MBD5: variants seen among roughly 807,000 people sequenced by gnomAD.
MBD5 encodes methyl-CpG-binding domain protein 5.
Under a neutral mutation model 117.3 loss-of-function variants are expected in MBD5, and 13 were observed. The observed-to-expected ratio is 0.11, with a 90% CI of 0.07 to 0.18. The LOEUF is 0.18. Among genes scored for constraint, MBD5 ranks in the 10% least tolerant of loss-of-function variants. The probability of loss-of-function intolerance (pLI) is 1.00; values close to 1 mark genes in which losing one functional copy is unlikely to be tolerated. For missense variants in MBD5, 1,879 were observed against 2,093.8 expected (o/e 0.90, Z 2.00); for synonymous variants, 727 against 766.4 (o/e 0.95, Z 0.85).
At chr2:148,449,572 T>C (rs1337223892) in intron 4 of MBD5, among the ~76,000 whole-genome samples, 5 of 151,636 alleles carry the variant, frequency 3.3e-5, no homozygotes, top group Admixed American at 1.3e-4. Flanking sequence ...GAGGGTGAGA[T>C]GGGAGACAAT....
intron 4 of MBD5, among the ~76,000 whole-genome samples, chr2:148,364,487 C>A (rs1488603770): frequency 6.6e-6 from 1 of 152,168 alleles, no homozygotes; most frequent in East Asian, 1.9e-4. Flanking sequence ...CAAATTCACA[C>A]ATAACAGTAT....
At chr2:148,125,597 A>G (rs1157239896) in intron 1 of MBD5, among the ~76,000 whole-genome samples, 1 of 152,152 alleles carries the variant, frequency 6.6e-6, no homozygotes, top group East Asian at 1.9e-4. Flanking sequence ...TTTCCCATTC[A>G]TACTTCAGGG....
At chr2:148,392,562 C>T (rs1437401030) in intron 4 of MBD5, among the ~76,000 whole-genome samples, 5 of 152,104 alleles carry the variant, frequency 3.3e-5, no homozygotes, top group Admixed American at 1.3e-4. Context: ...AGCTTTGTTC[C>T]CTGGCTTTTT....
intron 1 of MBD5, among the ~76,000 whole-genome samples, chr2:148,090,066 G>C (rs531523506): frequency 7.3e-5 from 11 of 151,670 alleles, no homozygotes; most frequent in Non-Finnish European, 1.5e-5. Flanking sequence ...ACCTTTACAC[G>C]CACAAAATAG....
intron 3 of MBD5, among the ~76,000 whole-genome samples, chr2:148,258,174 TACA>T: frequency 6.6e-6 from 1 of 152,172 alleles, no homozygotes; most frequent in African/African-American, 2.4e-5. Context: ...CAGCACCAGC[TACA>T]CCACATGCAC....
At chr2:148,310,403 T>A (rs1702000308) in intron 3 of MBD5, among the ~76,000 whole-genome samples, 1 of 152,202 alleles carries the variant, frequency 6.6e-6, no homozygotes, top group South Asian at 2.1e-4. Context: ...ATTTATCAAT[T>A]TCTTCTACAT....
chr2:148,384,314 A>G (rs1164146529), intron 4 of MBD5, among the ~76,000 whole-genome samples: 1 of 152,210 alleles, frequency 6.6e-6, no homozygotes, highest in African/African-American at 2.4e-5. Flanking sequence ...TTATACACCA[A>G]TAACAGACAA....
intron 1 of MBD5, among the ~76,000 whole-genome samples, chr2:148,067,298 A>G (rs550458001): frequency 1.3e-5 from 2 of 152,332 alleles, no homozygotes; most frequent in South Asian, 2.1e-4. Context: ...TTGAACTCCA[A>G]TTAACAGCCA....
chr2:148,353,370 C>T (rs145821052), intron 4 of MBD5, among the ~76,000 whole-genome samples: 1 of 152,178 alleles, frequency 6.6e-6, no homozygotes, highest in East Asian at 1.9e-4. Flanking sequence ...CAAATTTTCC[C>T]ATGTAAGCCT....
At chr2:148,411,487 C>T (rs1231107164) in intron 4 of MBD5, among the ~76,000 whole-genome samples, 1 of 145,236 alleles carries the variant, frequency 6.9e-6, no homozygotes, top group African/African-American at 2.5e-5. Context: ...ATTCACTTTT[C>T]TCCGGGAACT....
intron 4 of MBD5, among the ~76,000 whole-genome samples, chr2:148,428,859 G>A (rs1382255578): frequency 6.6e-6 from 1 of 152,178 alleles, no homozygotes; most frequent in Non-Finnish European, 1.5e-5. Flanking sequence ...ATGGATTAAA[G>A]ACTTAAATGT....
Position 148,483,707 on chromosome 2 carries a change from A to G in MBD5, c.3116A>G (p.Asn1039Ser). 6.4e-7 allele frequency: 1 copy of G among 1,550,594 alleles called. No homozygotes were observed. Among genetic ancestry groups the G allele is most frequent in the Non-Finnish European group, 8.7e-7 (1 of 1,146,978 alleles). ...GCCCCACCAGACCATTTGCCAAGCA[A>G]TCAGTCAGACAACAGCCGAGCTGAG... ...MTAPPDHLPS[N>S]QSDNSRAETL... is the part of the protein sequence containing the mutation. The change falls in exon 9 of 14, where the codon AAT becomes AGT. Residue 1039 changes from asparagine (N) to serine (S), a missense_variant. By Grantham distance (46) the Asn-to-Ser change is conservative. Around this residue, in one of 4 missense-constraint regions of MBD5, gnomAD observed 1,666 missense variants for 1,792.2 expected, o/e 0.93. Transcript: ENST00000642680.
intron 3 of MBD5, among the ~76,000 whole-genome samples, chr2:148,294,542 G>A (rs1259726660): frequency 2.1e-4 from 15 of 71,778 alleles, no homozygotes; most frequent in Admixed American, 1.4e-3. Flanking sequence ...TGGCTCCATC[G>A]CCCAGGCTGG....
chr2:148,361,557 T>G (rs1703532715), intron 4 of MBD5, among the ~76,000 whole-genome samples: 1 of 152,176 alleles, frequency 6.6e-6, no homozygotes, highest in Non-Finnish European at 1.5e-5. Context: ...AATGTAGCCT[T>G]TTGCAACATT....
At chr2:148,414,090 T>C (rs997664059) in intron 4 of MBD5, among the ~76,000 whole-genome samples, 1 of 152,158 alleles carries the variant, frequency 6.6e-6, no homozygotes. Context: ...CCTCACTTTT[T>C]GATGTAGGCA....
intron 1 of MBD5, among the ~76,000 whole-genome samples, chr2:148,092,837 A>C (rs1695977055): frequency 6.6e-6 from 1 of 152,098 alleles, no homozygotes; most frequent in South Asian, 2.1e-4. Context: ...AATTTAAACA[A>C]AACAAAACAA....
chr2:148,105,576 T>C (rs1696349160), intron 1 of MBD5, among the ~76,000 whole-genome samples: 1 of 152,220 alleles, frequency 6.6e-6, no homozygotes, highest in African/African-American at 2.4e-5. Flanking sequence ...TCTTCCTTGT[T>C]CCTTACTGCT....
chr2:148,033,286 A>G (rs1389946797), intron 1 of MBD5, among the ~76,000 whole-genome samples: 1 of 152,230 alleles, frequency 6.6e-6, no homozygotes. Context: ...TTTTGATTAT[A>G]TTGAGAGTGA....
intron 3 of MBD5, among the ~76,000 whole-genome samples, chr2:148,238,379 T>C (rs1700136927): frequency 6.6e-6 from 1 of 152,198 alleles, no homozygotes; most frequent in Non-Finnish European, 1.5e-5. Flanking sequence ...AAATTTTAAC[T>C]GAAGTCAACC....
Sources: gnomAD v4.1 joint callset for allele counts (sites outside exome capture counted in the v4.1 genomes callset) on GRCh38, gnomAD v4.1.1 for gene constraint, gnomAD v4.1.1 regional missense constraint, MANE v1.5 for transcripts, NCBI Gene and HGNC (gene_info 2026-07-23, HGNC 2026-07-21) for gene names.